Variants in SLCO2A1 observed in about 807,000 individuals in gnomAD.
SLCO2A1 encodes the protein matrin F/G 1.
Under a neutral mutation model 71.7 loss-of-function variants are expected in SLCO2A1, and 60 were observed. That is an observed-to-expected ratio of 0.84 (90% confidence interval 0.68 to 1.04). The LOEUF is 1.04. Ranked by LOEUF, SLCO2A1 falls within the 50% of genes least tolerant of loss-of-function variation. The pLI, the probability that SLCO2A1 is intolerant of heterozygous loss-of-function variation, is 0.00. For synonymous variants in SLCO2A1, 308 were observed against 326.7 expected (o/e 0.94, Z 0.62); for missense variants, 745 against 813.4 (o/e 0.92, Z 1.02).
chr3:133,944,871 C>G (rs528862879), intron 10 of SLCO2A1, among the ~76,000 whole-genome samples: 1 of 152,228 alleles, frequency 6.6e-6, no homozygotes, highest in Admixed American at 6.5e-5. Flanking sequence ...TGTTGGACAT[C>G]GGCCAGTCTT....
At chr3:133,999,290 G>A (rs1935051639) in intron 1 of SLCO2A1, among the ~76,000 whole-genome samples, 1 of 152,172 alleles carries the variant, frequency 6.6e-6, no homozygotes, top group Non-Finnish European at 1.5e-5. Flanking sequence ...CTTTCCTCTG[G>A]CAATGATGCA....
At chr3:134,027,388 A>C (rs1406320279) in intron 1 of SLCO2A1, among the ~76,000 whole-genome samples, 1 of 152,176 alleles carries the variant, frequency 6.6e-6, no homozygotes, top group East Asian at 1.9e-4. Context: ...CACTGTGAAA[A>C]TCCCTATTCT....
chr3:133,989,411 CA>C (rs1425609807), intron 1 of SLCO2A1, among the ~76,000 whole-genome samples: 1 of 152,186 alleles, frequency 6.6e-6, no homozygotes, highest in African/African-American at 2.4e-5. Context: ...CCAGTGGTAA[CA>C]CCCCTCTGAG....
intron 2 of SLCO2A1, among the ~76,000 whole-genome samples, chr3:133,975,306 C>CACAAA (rs1212887258): frequency 6.6e-6 from 1 of 152,208 alleles, no homozygotes; most frequent in Non-Finnish European, 1.5e-5. Context: ...CAGTGGCTCA[C>CACAAA]ACAAAACATT....
Position 133,965,650 on chromosome 3 carries a change from A to C in SLCO2A1, c.397+8013T>G, listed in dbSNP as rs920813366. Reference sequence around the variant, plus strand: ...CAGCTTGGCACAATGTATGGGGACAAGTCTCTGGTGTTTTGACCGCAAGTT... The same window carrying C: ...CAGCTTGGCACAATGTATGGGGACACGTCTCTGGTGTTTTGACCGCAAGTT... On this transcript the variant is annotated intron_variant, in intron 3 of 13. Transcript: ENST00000310926. 9.4e-5 allele frequency among the ~76,000 whole-genome samples: 10 copies of C among 106,164 alleles called. No individual in the cohort carries two copies. In the East Asian group the frequency reaches 3.0e-3, roughly 32 times the overall value. The allele number at this position is 106,164 out of a possible 152,430, so 69.6% of individuals were successfully genotyped here. A position where few individuals can be genotyped will look rare whatever the true frequency, so the allele number is the denominator to read the frequency against.
Position 133,938,428 on chromosome 3 carries a change from C to G in SLCO2A1, c.1690+1G>C. ...TGGGAAGAGGGGTCTTAGACACTTACCCAGCAAGCGCATCAACAAGAACTG... is the reference window on the plus strand; with the variant it reads ...TGGGAAGAGGGGTCTTAGACACTTAGCCAGCAAGCGCATCAACAAGAACTG... On this transcript the variant is annotated splice_donor_variant, in intron 12 of 13. Coordinates refer to ENST00000310926, the MANE Select transcript of SLCO2A1 (RefSeq NM_005630.3). LOFTEE classifies it high-confidence loss of function. 6.2e-7 allele frequency: 1 copy of G among 1,614,020 alleles called. No individual in the cohort carries two copies. Among genetic ancestry groups the G allele is most frequent in the Non-Finnish European group, 8.5e-7 (1 of 1,179,908 alleles).
At position 134,028,566 on chromosome 3, in the gene SLCO2A1, AC is replaced by A. The variant is rs1935743333; in HGVS notation, c.96+1140del. ...AAGTATGCAGGTGAGATCCACTCTG[AC>A]CTCCAGATCCCTTTCTGTTGGACAC... On this transcript the variant is annotated intron_variant, in intron 1 of 13. Transcript: ENST00000310926. Among the ~76,000 whole-genome samples, 3 of 152,260 alleles carry A rather than the reference AC, an allele frequency of 2.0e-5. No homozygotes were observed. In the South Asian group the frequency reaches 6.2e-4, roughly 32 times the overall value.
intron 1 of SLCO2A1, among the ~76,000 whole-genome samples, chr3:134,007,434 A>G (rs1361817776): frequency 5.3e-5 from 8 of 152,136 alleles, no homozygotes; most frequent in Non-Finnish European, 1.0e-4. Flanking sequence ...TTCCTCTAAG[A>G]GTTTTATAGT....
At chr3:133,955,515 G>T (rs770334146) in intron 3 of SLCO2A1, 2 of 338,326 alleles carry the variant, frequency 5.9e-6, no homozygotes, top group Admixed American at 9.3e-5. Context: ...AGCTGAGCAC[G>T]GAGAAGTCAG....
Position 133,963,484 on chromosome 3 carries a change from T to C in SLCO2A1, c.398-8291A>G, listed in dbSNP as rs1036435977. On this transcript the variant is annotated intron_variant, in intron 3 of 13. Transcript: ENST00000310926. ...AGAGAAGGCCATGGCAAGAGGGGCTTTCCTTTGACTAGTCATTCTCATCAT... is the reference window on the plus strand; with the variant it reads ...AGAGAAGGCCATGGCAAGAGGGGCTCTCCTTTGACTAGTCATTCTCATCAT... 2.0e-5 allele frequency among the ~76,000 whole-genome samples: 3 copies of C among 152,186 alleles called. No individual in the cohort carries two copies. In the South Asian group the frequency reaches 6.2e-4, roughly 32 times the overall value.
chr3:133,993,295 T>C (rs1313621466), intron 1 of SLCO2A1, among the ~76,000 whole-genome samples: 1 of 152,170 alleles, frequency 6.6e-6, no homozygotes, highest in Non-Finnish European at 1.5e-5. Flanking sequence ...GGAAATATCC[T>C]GCTTCCGTTG....
In SLCO2A1 at chr3:133,934,784, G is replaced by A. The variant is rs147416721; in HGVS notation, c.1861C>T (p.Leu621Phe). Reference sequence around the variant, plus strand: ...TTCACCCTCCAGCTGATGAAGCAAAGCAGCAGCATGCCCAGCGCCTTGTAG... The same window carrying A: ...TTCACCCTCCAGCTGATGAAGCAAAACAGCAGCATGCCCAGCGCCTTGTAG... ...MGYKALGMLLLCFISWRVKKN... is the reference protein window; with the variant it reads ...MGYKALGMLLFCFISWRVKKN... The change falls in exon 14 of 14, where the codon CTT becomes TTT. Residue 621 changes from leucine (L) to phenylalanine (F), a missense_variant. Coordinates refer to ENST00000310926, the MANE Select transcript of SLCO2A1 (RefSeq NM_005630.3). 7.0e-5 allele frequency: 113 copies of A among 1,612,848 alleles called. No individual in the cohort carries two copies. Among genetic ancestry groups the A allele is most frequent in the Non-Finnish European group, 9.1e-5 (107 of 1,179,990 alleles).
chr3:133,933,608 G>C lies in SLCO2A1; in HGVS notation c.*1105C>G, dbSNP rs1243372867. On this transcript the variant is annotated 3_prime_UTR_variant, in exon 14 of 14. Transcript: ENST00000310926. ...AGAAGAGGCTGAGAAAATGGGAATG[G>C]TATGAGCATGTCTGAAACCAGGAAA... The C allele has an allele frequency of 6.6e-6, 1 of 152,264 alleles. No homozygotes were observed. Among genetic ancestry groups the C allele is most frequent in the Non-Finnish European group, 1.5e-5 (1 of 68,080 alleles). The allele number at this position is 152,264 out of a possible 1,614,324, so 9.4% of individuals were successfully genotyped here. A position where few individuals can be genotyped will look rare whatever the true frequency, so the allele number is the denominator to read the frequency against.
chr3:134,021,268 T>C (rs1321903719), intron 1 of SLCO2A1, among the ~76,000 whole-genome samples: 2 of 152,180 alleles, frequency 1.3e-5, no homozygotes, highest in South Asian at 2.1e-4. Flanking sequence ...CTAGGAACTA[T>C]GTTGAAAAAT....
At chr3:133,973,088 T>C (rs1242655622) in intron 3 of SLCO2A1, among the ~76,000 whole-genome samples, 1 of 152,150 alleles carries the variant, frequency 6.6e-6, no homozygotes, top group Non-Finnish European at 1.5e-5. Flanking sequence ...GAGAGGATGG[T>C]GGGCAAAAAA....
Position 133,942,501 on chromosome 3 carries a change from A to G in SLCO2A1, c.1625+104T>C, listed in dbSNP as rs1933450957. On this transcript the variant is annotated intron_variant, in intron 11 of 13. Transcript: ENST00000310926. Reference sequence around the variant, plus strand: ...TGTCATTTAAAGGACTCTGAGGGCCACAAAAGGGGGGAGAGATGAGAAACA... The same window carrying G: ...TGTCATTTAAAGGACTCTGAGGGCCGCAAAAGGGGGGAGAGATGAGAAACA... 3 of 1,256,038 alleles carry G rather than the reference A, an allele frequency of 2.4e-6. No individual in the cohort carries two copies. The South Asian group carries it at 4.7e-5, about 20-fold the overall frequency. 77.8% of individuals were successfully genotyped at this position (1,256,038 alleles called of 1,614,324 possible). A position where few individuals can be genotyped will look rare whatever the true frequency, so the allele number is the denominator to read the frequency against.
intron 1 of SLCO2A1, among the ~76,000 whole-genome samples, chr3:133,994,247 T>C (rs1934913203): frequency 6.6e-6 from 1 of 152,170 alleles, no homozygotes; most frequent in Non-Finnish European, 1.5e-5. Context: ...CCCTGAGAGG[T>C]ACATGTGATC....
intron 1 of SLCO2A1, among the ~76,000 whole-genome samples, chr3:134,024,737 G>T (rs1337597097): frequency 6.6e-6 from 1 of 152,094 alleles, no homozygotes; most frequent in East Asian, 1.9e-4. Context: ...GAATATAAAC[G>T]CTCCCCATGC....
At chr3:133,989,009 G>T (rs1220583336) in intron 1 of SLCO2A1, among the ~76,000 whole-genome samples, 1 of 152,186 alleles carries the variant, frequency 6.6e-6, no homozygotes, top group Non-Finnish European at 1.5e-5. Flanking sequence ...AGGATCAAAG[G>T]CTACTCTCCT....
Sources: gnomAD v4.1 joint callset for allele counts (sites outside exome capture counted in the v4.1 genomes callset) on GRCh38, gnomAD v4.1.1 for gene constraint, MANE v1.5 for transcripts, NCBI Gene and HGNC (gene_info 2026-07-23, HGNC 2026-07-21) for gene names.